TMEM108: variants seen among roughly 807,000 people sequenced by gnomAD.
The protein encoded by TMEM108 is cancer/testis antigen 124.
In TMEM108, 12 loss-of-function variants were observed where a neutral mutation model predicts 35.1. The ratio of observed to expected loss-of-function variants is 0.34; its 90% confidence interval spans 0.22 to 0.55. TMEM108 has a LOEUF of 0.55. Among genes scored for constraint, TMEM108 ranks in the 20% least tolerant of loss-of-function variants. The pLI is 0.89. For missense variants in TMEM108, 680 were observed against 753.3 expected (o/e 0.90, Z 1.14); for synonymous variants, 287 against 308.6 (o/e 0.93, Z 0.73).
chr3:133,309,698 T>A (rs2071096128), intron 3 of TMEM108, among the ~76,000 whole-genome samples: 1 of 86,492 alleles, frequency 1.2e-5, no homozygotes, highest in South Asian at 5.2e-4. Flanking sequence ...TTTTTTTTTT[T>A]TTTTTTTTTT....
At chr3:133,143,721 C>T (rs1339883228) in intron 2 of TMEM108, among the ~76,000 whole-genome samples, 6 of 152,042 alleles carry the variant, frequency 3.9e-5, no homozygotes, top group Non-Finnish European at 7.4e-5. Flanking sequence ...CTGAAATGGG[C>T]TGCAGGGGAG....
intron 3 of TMEM108, chr3:133,378,556 G>A (rs2072910847): frequency 1.0e-6 from 1 of 985,276 alleles, no homozygotes; most frequent in Non-Finnish European, 1.2e-6. Flanking sequence ...GGTGCTAACA[G>A]GTCAGAATCA....
intron 2 of TMEM108, among the ~76,000 whole-genome samples, chr3:133,162,934 C>T (rs190702575): frequency 2.0e-5 from 3 of 152,234 alleles, no homozygotes; most frequent in Admixed American, 2.0e-4. Flanking sequence ...ATGTGGTTTC[C>T]AAAAGGTAAC....
intron 5 of TMEM108, 70 bp downstream of exon 5, chr3:133,390,404 T>C (rs1047670417): frequency 6.4e-6 from 10 of 1,564,060 alleles, no homozygotes; most frequent in Middle Eastern, 1.7e-4. Context: ...GGGCATCTGC[T>C]CATTTCTGAG....
intron 3 of TMEM108, among the ~76,000 whole-genome samples, chr3:133,230,603 G>T (rs16840079): frequency 0.024 from 3,670 of 152,196 alleles, 145 homozygotes; most frequent in African/African-American, 0.082. Flanking sequence ...AGGATAAATA[G>T]GATTTTACAT....
intron 3 of TMEM108, among the ~76,000 whole-genome samples, chr3:133,235,196 C>G (rs911654961): frequency 2.0e-5 from 3 of 152,062 alleles, no homozygotes; most frequent in African/African-American, 7.2e-5. Context: ...TTTATAGATT[C>G]AATGCCATCC....
chr3:133,144,489 G>C (rs564515055), intron 2 of TMEM108, among the ~76,000 whole-genome samples: 1 of 152,190 alleles, frequency 6.6e-6, no homozygotes, highest in Non-Finnish European at 1.5e-5. Flanking sequence ...TATATATCCA[G>C]TAATGGGATT....
chr3:133,169,523 C>A (rs1010902007), intron 2 of TMEM108, among the ~76,000 whole-genome samples: 7 of 152,202 alleles, frequency 4.6e-5, no homozygotes, highest in African/African-American at 1.7e-4. Flanking sequence ...AGCCTCAGCC[C>A]TAGAGATGCT....
At chr3:133,132,006 T>C (rs1944497606) in intron 2 of TMEM108, among the ~76,000 whole-genome samples, 1 of 152,110 alleles carries the variant, frequency 6.6e-6, no homozygotes, top group Non-Finnish European at 1.5e-5. Flanking sequence ...TACTAACTCT[T>C]TTCAACTCTC....
At chr3:133,130,513 G>A (rs890270928) in intron 2 of TMEM108, among the ~76,000 whole-genome samples, 1 of 152,156 alleles carries the variant, frequency 6.6e-6, no homozygotes, top group Non-Finnish European at 1.5e-5. Context: ...TAGCTTCAGG[G>A]TAGACAGACT....
At chr3:133,378,235 G>T (rs963941122) in intron 3 of TMEM108, 1 of 627,956 alleles carries the variant, frequency 1.6e-6, no homozygotes, top group African/African-American at 2.0e-5. Context: ...AGTGCAGGGT[G>T]AGGACACAGG....
At chr3:133,365,303 A>G (rs1576506217) in intron 3 of TMEM108, among the ~76,000 whole-genome samples, 1 of 152,096 alleles carries the variant, frequency 6.6e-6, no homozygotes, top group Admixed American at 6.5e-5. Context: ...CAGAATCCCA[A>G]CCCTGCCAGC....
intron 2 of TMEM108, among the ~76,000 whole-genome samples, chr3:133,115,739 G>A (rs1944280406): frequency 6.6e-6 from 1 of 152,224 alleles, no homozygotes; most frequent in Non-Finnish European, 1.5e-5. Context: ...AAGATAGGGG[G>A]AGGAAGTGGT....
chr3:133,306,587 G>C (rs1485188297), intron 3 of TMEM108, among the ~76,000 whole-genome samples: 2 of 152,056 alleles, frequency 1.3e-5, no homozygotes, highest in African/African-American at 4.8e-5. Context: ...TCATTGTTCA[G>C]TTCCCACGTA....
intron 3 of TMEM108, among the ~76,000 whole-genome samples, chr3:133,286,862 C>T (rs745874088): frequency 1.3e-5 from 2 of 152,224 alleles, no homozygotes; most frequent in Non-Finnish European, 2.9e-5. Flanking sequence ...AAAAACTTCT[C>T]TTATCAGGAA....
chr3:133,142,542 A>C (rs73860844), intron 2 of TMEM108, among the ~76,000 whole-genome samples: 4,446 of 152,246 alleles, frequency 0.029, 222 homozygotes, highest in African/African-American at 0.1. Flanking sequence ...GGCTGCTGCT[A>C]TCCTGGAGCA....
intron 2 of TMEM108, among the ~76,000 whole-genome samples, chr3:133,076,184 A>T (rs1327761560): frequency 6.6e-6 from 1 of 151,236 alleles, no homozygotes; most frequent in Non-Finnish European, 1.5e-5. Context: ...ATGTGGGCAA[A>T]TTTTTTTATC....
intron 3 of TMEM108, among the ~76,000 whole-genome samples, chr3:133,325,526 C>T (rs2071320491): frequency 6.6e-6 from 1 of 151,978 alleles, no homozygotes; most frequent in African/African-American, 2.4e-5. Flanking sequence ...AATATTTGCA[C>T]CTTATTCAGA....
intron 3 of TMEM108, among the ~76,000 whole-genome samples, chr3:133,374,679 T>G (rs1182153774): frequency 1.3e-5 from 2 of 152,028 alleles, no homozygotes. Flanking sequence ...AATCAGGGGC[T>G]TCCAGTCCTT....
Sources: allele counts gnomAD v4.1 joint callset (sites outside exome capture counted in the v4.1 genomes callset), GRCh38; gene constraint gnomAD v4.1.1; transcripts MANE v1.5; gene names NCBI Gene and HGNC (gene_info 2026-07-23, HGNC 2026-07-21).